The following FAM83G variants were observed in gnomAD, a reference collection of about 807,000 sequenced individuals.
The protein encoded by FAM83G is protein FAM83G.
In FAM83G, 38 loss-of-function variants were observed where a neutral mutation model predicts 61.5. The ratio of observed to expected loss-of-function variants is 0.62; its 90% CI spans 0.48 to 0.81. The LOEUF is 0.81. FAM83G is among the 30% of genes least tolerant of loss of function. FAM83G has a pLI of 0.00. For missense variants in FAM83G, 989 were observed against 1,133.6 expected (o/e 0.87, Z 1.83); for synonymous variants, 470 against 476.1 (o/e 0.99, Z 0.17).
In FAM83G at chr17:18,979,671, A is replaced by G; in HGVS notation, c.693T>C (p.Asn231=). Residue 231 remains asparagine (N), a splice_region_variant and synonymous_variant, in exon 4 of 6, where the codon AAT becomes AAC. Coordinates refer to ENST00000388995, the MANE Select transcript of FAM83G (RefSeq NM_001039999.3). The part of the protein sequence containing the change: ...RACMHLGHLK[N]LRVRSSGGTE... ...TTCCCCCGCTGCTCCGCACTCTGAGATTCTGTTTTGGGAACCAAGAGACAG... is the reference window on the plus strand; with the variant it reads ...TTCCCCCGCTGCTCCGCACTCTGAGGTTCTGTTTTGGGAACCAAGAGACAG... 6.2e-7 allele frequency: 1 copy of G among 1,613,188 alleles called. No individual in the cohort carries two copies. Among genetic ancestry groups the G allele is most frequent in the Non-Finnish European group, 8.5e-7 (1 of 1,179,902 alleles).
Position 18,979,589 on chromosome 17 carries a change from T to C in FAM83G, c.775A>G (p.Met259Val). The C allele has an allele frequency of 1.2e-6, 2 of 1,613,488 alleles. No individual in the cohort carries two copies. The highest frequency in any genetic ancestry group is 1.7e-6 in the Non-Finnish European group (2 of 1,179,978). Residue 259 changes from methionine to valine, a missense_variant, in exon 4 of 6, where the codon ATG becomes GTG. Around this residue, in one of 3 missense-constraint regions of FAM83G, gnomAD observed 371 missense variants for 404.5 expected, o/e 0.92. Coordinates refer to ENST00000388995, the MANE Select transcript of FAM83G (RefSeq NM_001039999.3). ...KFKGALAQKFMFVDGDRAVCG... is the reference protein window; with the variant it reads ...KFKGALAQKFVFVDGDRAVCG... ...ACAGCCCGGTCTCCATCCACAAACA[T>C]GAACTTCTGGGCCAGGGCACCCTTG...
At chr17:19,002,501 C>T (rs1196085475) in intron 2 of FAM83G, among the ~76,000 whole-genome samples, 1 of 152,230 alleles carries the variant, frequency 6.6e-6, no homozygotes, top group Non-Finnish European at 1.5e-5. Context: ...AATTGGCTGC[C>T]CTGCTCTGGG....
At chr17:18,985,271 C>G (rs1169032226) in intron 3 of FAM83G, among the ~76,000 whole-genome samples, 1 of 152,204 alleles carries the variant, frequency 6.6e-6, no homozygotes, top group Non-Finnish European at 1.5e-5. Flanking sequence ...TGACCATGTC[C>G]CCATTTTGTA....
rs554267984 is a variant in FAM83G at position 18,974,874 on chromosome 17, G to C, written c.2082+2710C>G. Among the ~76,000 whole-genome samples, 78 of 152,272 alleles carry C rather than the reference G, an allele frequency of 5.1e-4. 1 individual carries two copies. The highest frequency in any genetic ancestry group is 3.0e-3 in the Admixed American group (46 of 15,300). ...CTGGGACTAGACACCAGTGCTGGGA[G>C]GTGGGGGTGAGCAGTGGCCTGCTGA... On this transcript the variant is annotated intron_variant, in intron 5 of 5. Coordinates refer to ENST00000388995, the MANE Select transcript of FAM83G (RefSeq NM_001039999.3).
Position 18,978,195 on chromosome 17 carries a change from T to C in FAM83G, c.1471A>G (p.Asn491Asp), listed in dbSNP as rs2043034351. ...TCAGGGTCCCCCTGGGGGAGGCCGTTCTCAGCTGGGACACCGTCCTGGGGG... is the reference window on the plus strand; with the variant it reads ...TCAGGGTCCCCCTGGGGGAGGCCGTCCTCAGCTGGGACACCGTCCTGGGGG... ...SAPQDGVPAE[N>D]GLPQGDPEPL... is the part of the protein sequence containing the mutation. Residue 491 changes from asparagine (N) to aspartate (D), a missense_variant, in exon 5 of 6, where the codon AAC becomes GAC. Transcript: ENST00000388995. The C allele has an allele frequency of 6.4e-7, 1 of 1,553,170 alleles. No individual in the cohort carries two copies. Among genetic ancestry groups the C allele is most frequent in the Non-Finnish European group, 8.7e-7 (1 of 1,150,702 alleles).
In FAM83G at chr17:18,977,694, TC is replaced by T; in HGVS notation, c.1971del (p.Thr658ProfsTer23). 1 of 1,610,388 alleles carries T rather than the reference TC, an allele frequency of 6.2e-7. No homozygotes were observed. Among genetic ancestry groups the T allele is most frequent in the Admixed American group, 1.7e-5 (1 of 59,868 alleles). Reference protein sequence around the residue: ...RQLSAPHITRGTFVGPQGGSP... With the variant: ...RQLSAPHITRXTFVGPQGGSP... ...GAGCCACCCTGGGGTCCAACAAAGG[TC>T]CCTCGGGTTATATGGGGGGCACTCA... On this transcript the variant is annotated frameshift_variant, in exon 5 of 6. Coordinates refer to ENST00000388995, the MANE Select transcript of FAM83G (RefSeq NM_001039999.3). LOFTEE classifies it high-confidence loss of function.
At chr17:18,983,140 G>C (rs182700889) in intron 3 of FAM83G, among the ~76,000 whole-genome samples, 58 of 152,320 alleles carry the variant, frequency 3.8e-4, no homozygotes, top group Non-Finnish European at 6.2e-4. Flanking sequence ...CTCAGGTAGG[G>C]AAAGTGACCT....
rs1490325705 is a variant in FAM83G at position 18,969,339 on chromosome 17, CA to C, written c.*2019del. 3.1e-6 allele frequency: 5 copies of C among 1,612,900 alleles called. No homozygotes were observed. In the East Asian group the frequency reaches 1.1e-4, roughly 36 times the overall value. On this transcript the variant is annotated 3_prime_UTR_variant, in exon 6 of 6. Coordinates refer to ENST00000388995, the MANE Select transcript of FAM83G (RefSeq NM_001039999.3). The stretch of plus-strand genomic sequence containing the variant: ...CCTCCAGCAACCTTGCTTCCACTGG[CA>C]GGGGGCCTGGCTGCTGTAATCTACA...
chr17:19,004,005 G>T lies in FAM83G; in HGVS notation c.37C>A (p.His13Asn), dbSNP rs1451660672. ...GACTCGCTGGAGCGCCAGTTCACATGGTTGTCGTCCAGACACTGCACCTGA... is the reference window on the plus strand; with the variant it reads ...GACTCGCTGGAGCGCCAGTTCACATTGTTGTCGTCCAGACACTGCACCTGA... ...FSQVQCLDDN[H>N]VNWRSSESKP... is the part of the protein sequence containing the mutation. The change falls in exon 2 of 6, where the codon CAT becomes AAT. Residue 13 changes from histidine (H) to asparagine (N), a missense_variant. Physicochemically the swap from His to Asn is moderately conservative, Grantham distance 68. Around this residue, in one of 3 missense-constraint regions of FAM83G, gnomAD observed 371 missense variants for 404.5 expected, o/e 0.92. Coordinates refer to ENST00000388995, the MANE Select transcript of FAM83G (RefSeq NM_001039999.3). This position sits in a 1 kb window ranked among gnomAD's most constrained non-coding sequence, Gnocchi z 5.4. The T allele has an allele frequency of 6.2e-6, 10 of 1,611,282 alleles. No individual in the cohort carries two copies. In the Admixed American group the frequency reaches 8.4e-5, roughly 13 times the overall value.
Position 18,988,396 on chromosome 17 carries a change from C to T in FAM83G, c.541G>A (p.Asp181Asn), listed in dbSNP as rs2043322729. 6.2e-7 allele frequency: 1 copy of T among 1,614,136 alleles called. No individual in the cohort carries two copies. The highest frequency in any genetic ancestry group is 8.5e-7 in the Non-Finnish European group (1 of 1,179,998). ...AAGATGTCCACGTCGGTGAACATGT[C>T]CATGACCACAGCTATCACCTGGGAG... is the stretch of plus-strand genomic sequence containing the variant. ...QAQKVIAVVM[D>N]MFTDVDIFKD... is the part of the protein sequence containing the mutation. Residue 181 changes from aspartate (D) to asparagine (N), a missense_variant, in exon 3 of 6, where the codon GAC becomes AAC. Coordinates refer to ENST00000388995, the MANE Select transcript of FAM83G (RefSeq NM_001039999.3).
At chr17:18,981,351 G>A (rs771986731) in intron 3 of FAM83G, among the ~76,000 whole-genome samples, 2 of 152,140 alleles carry the variant, frequency 1.3e-5, no homozygotes, top group East Asian at 3.9e-4. Flanking sequence ...CCTGCAGAGC[G>A]AGCAGGGGCG....
At chr17:18,993,252 T>C (rs1331296303) in intron 2 of FAM83G, among the ~76,000 whole-genome samples, 2 of 152,190 alleles carry the variant, frequency 1.3e-5, no homozygotes, top group African/African-American at 2.4e-5. Flanking sequence ...GTTGTTCTCC[T>C]TGCCACCTGC....
chr17:18,985,909 G>T (rs1380094961), intron 3 of FAM83G, among the ~76,000 whole-genome samples: 2 of 152,256 alleles, frequency 1.3e-5, no homozygotes, highest in Non-Finnish European at 2.9e-5. Flanking sequence ...CCAGCCCAGG[G>T]CCTGGGATTT....
chr17:18,979,167 C>T (rs1014829196), intron 4 of FAM83G: 1 of 493,216 alleles, frequency 2.0e-6, no homozygotes, highest in Non-Finnish European at 3.7e-6. Flanking sequence ...CCGCTGCTGC[C>T]ATGCGTCTAT....
In FAM83G at chr17:18,978,109, G is replaced by C; in HGVS notation, c.1557C>G (p.Asp519Glu). ...CCAGGACCCAGCCAATATCACTGCT[G>C]TCCCGGGCTAGTACATCTGCCACAG... is the stretch of plus-strand genomic sequence containing the variant. ...TVPVADVLAR[D>E]SSDIGWVLEL... Residue 519 changes from aspartate (D) to glutamate (E), a missense_variant, in exon 5 of 6, where the codon GAC becomes GAG. Asp to Glu is a conservative substitution (Grantham distance 45). Around this residue, in one of 3 missense-constraint regions of FAM83G, gnomAD observed 574 missense variants for 645.1 expected, o/e 0.89. Coordinates refer to ENST00000388995, the MANE Select transcript of FAM83G (RefSeq NM_001039999.3). 6.6e-7 allele frequency: 1 copy of C among 1,517,566 alleles called. No homozygotes were observed. Among genetic ancestry groups the C allele is most frequent in the Non-Finnish European group, 8.8e-7 (1 of 1,137,168 alleles). 94.0% of individuals were successfully genotyped at this position (1,517,566 alleles called of 1,614,324 possible). A position where few individuals can be genotyped will look rare whatever the true frequency, so the allele number is the denominator to read the frequency against.
In FAM83G at chr17:18,979,421, A is replaced by G. The variant is rs146938776; in HGVS notation, c.815+128T>C. 2.6e-6 allele frequency: 3 copies of G among 1,143,056 alleles called. No individual in the cohort carries two copies. In the African/African-American group the frequency reaches 4.7e-5, roughly 18 times the overall value. 70.8% of individuals were successfully genotyped at this position (1,143,056 alleles called of 1,614,324 possible). On this transcript the variant is annotated intron_variant, in intron 4 of 5. Transcript: ENST00000388995. ...ACAGACAGGCGGGCAGATGTGCTCC[A>G]GCCCTGCGCACACCTCAGCAGCCTT...
rs528961850 is a variant in FAM83G at position 18,969,493 on chromosome 17, G to A, written c.*1866C>T. The stretch of plus-strand genomic sequence containing the variant: ...GCCCTTTGGAGTCTGGCACTGCCCG[G>A]CACTGTGCAGGATTCATGCCGTTGG... On this transcript the variant is annotated 3_prime_UTR_variant, in exon 6 of 6. Coordinates refer to ENST00000388995, the MANE Select transcript of FAM83G (RefSeq NM_001039999.3). 4.1e-4 allele frequency: 576 copies of A among 1,417,592 alleles called. 3 individuals carry two copies. The African/African-American group carries it at 7.1e-3, about 17-fold the overall frequency. 87.8% of individuals were successfully genotyped at this position (1,417,592 alleles called of 1,614,324 possible). A position where few individuals can be genotyped will look rare whatever the true frequency, so the allele number is the denominator to read the frequency against.
chr17:18,986,776 T>C (rs1447270193), intron 3 of FAM83G, among the ~76,000 whole-genome samples: 2 of 152,212 alleles, frequency 1.3e-5, no homozygotes, highest in Non-Finnish European at 2.9e-5. Context: ...TCGCTGGGCC[T>C]GGGGCAGGGG....
intron 5 of FAM83G, chr17:18,976,960 C>A: frequency 2.5e-6 from 4 of 1,613,058 alleles, no homozygotes; most frequent in Non-Finnish European, 3.4e-6. Context: ...ATCATCATGC[C>A]GGGCATGATC....
Sources: allele counts gnomAD v4.1 joint callset (sites outside exome capture counted in the v4.1 genomes callset), GRCh38; gene constraint gnomAD v4.1.1; regional missense constraint gnomAD v4.1.1; non-coding constraint Gnocchi (gnomAD v3.1); transcripts MANE v1.5; gene names NCBI Gene and HGNC (gene_info 2026-07-23, HGNC 2026-07-21).